The following UBE3D variants were observed in gnomAD, a reference collection of about 807,000 sequenced individuals.
UBE3D encodes the protein E3 ubiquitin-protein ligase E3D.
UBE3D carries 48 observed loss-of-function variants against 49.6 expected under a neutral mutation model. The ratio of observed to expected loss-of-function variants is 0.97; its 90% CI spans 0.77 to 1.23. UBE3D has a LOEUF of 1.23. Among genes scored for constraint, UBE3D ranks in the 50% most tolerant of loss-of-function variants. The pLI, the probability that UBE3D is intolerant of heterozygous loss-of-function variation, is 0.00. For missense variants in UBE3D, 452 were observed against 468.4 expected (o/e 0.96, Z 0.32); for synonymous variants, 189 against 174.2 (o/e 1.08, Z -0.67).
rs114071167 is a variant in UBE3D at position 83,029,410 on chromosome 6, G to A, written c.668-5372C>T. Among the ~76,000 whole-genome samples, 667 of 151,710 alleles carry A rather than the reference G, an allele frequency of 4.4e-3. 6 individuals are homozygous for A. Among genetic ancestry groups the A allele is most frequent in the African/African-American group, 0.015 (626 of 41,334 alleles). On this transcript the variant is annotated intron_variant, in intron 5 of 9. Coordinates refer to ENST00000369747, the MANE Select transcript of UBE3D (RefSeq NM_198920.3). ...GATCATCTAGTGAATTTTTCTTTAC[G>A]GTTACAGTACATTTTAATTCTAGAA...
intron 8 of UBE3D, among the ~76,000 whole-genome samples, chr6:83,006,791 G>C (rs1780013295): frequency 6.6e-6 from 1 of 152,222 alleles, no homozygotes; most frequent in South Asian, 2.1e-4. Context: ...GGTTTAATGA[G>C]TATGGAGTTT....
At chr6:83,056,698 C>G (rs559103723) in intron 2 of UBE3D, among the ~76,000 whole-genome samples, 1 of 152,258 alleles carries the variant, frequency 6.6e-6, no homozygotes, top group South Asian at 2.1e-4. Context: ...CTTCTCTTTC[C>G]TCACAAAAGC....
At chr6:83,061,635 A>G (rs1269759097) in intron 1 of UBE3D, among the ~76,000 whole-genome samples, 2 of 152,242 alleles carry the variant, frequency 1.3e-5, no homozygotes, top group South Asian at 2.1e-4. Context: ...CCCTGCTGCT[A>G]CAAGCTTTGG....
intron 5 of UBE3D, among the ~76,000 whole-genome samples, chr6:83,026,806 A>C (rs1781493896): frequency 6.6e-6 from 1 of 152,016 alleles, no homozygotes; most frequent in Non-Finnish European, 1.5e-5. Flanking sequence ...ATCCTTCCGC[A>C]TCAGCCTCCT....
chr6:83,061,612 G>A (rs1784172629), intron 1 of UBE3D, among the ~76,000 whole-genome samples: 1 of 152,228 alleles, frequency 6.6e-6, no homozygotes. Flanking sequence ...ATAAGGCACA[G>A]TGGTATAGCA....
At chr6:82,980,444 T>C (rs1268583995) in intron 8 of UBE3D, among the ~76,000 whole-genome samples, 1 of 152,090 alleles carries the variant, frequency 6.6e-6, no homozygotes, top group Non-Finnish European at 1.5e-5. Context: ...GGGTTTTTTG[T>C]TGCATTGAGT....
chr6:82,993,803 A>T (rs1779057808), intron 8 of UBE3D, among the ~76,000 whole-genome samples: 1 of 152,172 alleles, frequency 6.6e-6, no homozygotes, highest in African/African-American at 2.4e-5. Context: ...CACTCCACTG[A>T]CATACAGGAT....
intron 9 of UBE3D, among the ~76,000 whole-genome samples, chr6:82,911,196 C>CAAAAAAAAAAA (rs1156620624): frequency 2.5e-5 from 1 of 39,336 alleles, no homozygotes; most frequent in Non-Finnish European, 4.7e-5. Flanking sequence ...AACATTTTGG[C>CAAAAAAAAAAA]AAAAAAAAAA....
At chr6:82,913,466 T>C (rs978158793) in intron 9 of UBE3D, among the ~76,000 whole-genome samples, 7 of 152,310 alleles carry the variant, frequency 4.6e-5, no homozygotes, top group African/African-American at 1.7e-4. Context: ...CTCTTCTCTC[T>C]TGAGTTGTGC....
chr6:82,967,973 C>T (rs1201257066), intron 8 of UBE3D, among the ~76,000 whole-genome samples: 1 of 152,100 alleles, frequency 6.6e-6, no homozygotes, highest in African/African-American at 2.4e-5. Flanking sequence ...GAGTAAATTT[C>T]CATGGAATAT....
chr6:83,044,266 T>C (rs953465393), intron 4 of UBE3D, among the ~76,000 whole-genome samples, 162 bp downstream of exon 4: 19 of 152,342 alleles, frequency 1.2e-4, no homozygotes, highest in South Asian at 2.1e-4. Flanking sequence ...AGCCATATGC[T>C]CTTCCTGTTT....
At chr6:82,910,548 G>A (rs886123776) in intron 9 of UBE3D, among the ~76,000 whole-genome samples, 10 of 152,144 alleles carry the variant, frequency 6.6e-5, no homozygotes, top group Non-Finnish European at 8.8e-5. Flanking sequence ...TCAGAGCTCT[G>A]CTCTGTACTG....
In UBE3D at chr6:82,956,242, G is replaced by T. The variant is rs74830478; in HGVS notation, c.1149+1070C>A. On this transcript the variant is annotated intron_variant, in intron 9 of 9. Coordinates refer to ENST00000369747, the MANE Select transcript of UBE3D (RefSeq NM_198920.3). The stretch of plus-strand genomic sequence containing the variant: ...CCATGTTTATTTATTTCTCAGCAAC[G>T]TAGGTTGTATTCCCACCAGCATCCG... Among the ~76,000 whole-genome samples, 648 of 152,294 alleles carry T rather than the reference G, an allele frequency of 4.3e-3. 7 individuals are homozygous for T. Among genetic ancestry groups the T allele is most frequent in the African/African-American group, 0.015 (610 of 41,546 alleles).
chr6:82,965,243 TCA>T (rs1776828696), intron 8 of UBE3D, among the ~76,000 whole-genome samples: 1 of 152,180 alleles, frequency 6.6e-6, no homozygotes, highest in East Asian at 1.9e-4. Flanking sequence ...AATGCTTGTA[TCA>T]TTGCAAGACA....
chr6:82,932,392 A>G (rs568479446), intron 9 of UBE3D, among the ~76,000 whole-genome samples: 45 of 152,272 alleles, frequency 3.0e-4, no homozygotes, highest in African/African-American at 8.9e-4. Context: ...TAAATGGTGT[A>G]TCTGGTCCTA....
chr6:83,026,572 T>C (rs1286311512), intron 5 of UBE3D, among the ~76,000 whole-genome samples: 8 of 152,160 alleles, frequency 5.3e-5, no homozygotes, highest in Non-Finnish European at 1.5e-5. Context: ...GATTAATATA[T>C]AGACAGCCAT....
At chr6:82,940,406 G>A (rs934910943) in intron 9 of UBE3D, among the ~76,000 whole-genome samples, 4 of 152,288 alleles carry the variant, frequency 2.6e-5, no homozygotes, top group East Asian at 1.9e-4. Context: ...CTTTGAGAAC[G>A]AAGTTCCTAA....
At chr6:82,926,895 T>C (rs529263373) in intron 9 of UBE3D, among the ~76,000 whole-genome samples, 12 of 152,284 alleles carry the variant, frequency 7.9e-5, no homozygotes, top group African/African-American at 2.9e-4. Context: ...TCATGGGGTA[T>C]GCCTTTGCAC....
chr6:82,897,221 G>C (rs1304278730), intron 9 of UBE3D, among the ~76,000 whole-genome samples: 1 of 152,036 alleles, frequency 6.6e-6, no homozygotes, highest in Non-Finnish European at 1.5e-5. Context: ...CATGTTCAAA[G>C]TTATGATCTG....
Sources: gnomAD v4.1 joint callset for allele counts (sites outside exome capture counted in the v4.1 genomes callset) on GRCh38, gnomAD v4.1.1 for gene constraint, MANE v1.5 for transcripts, NCBI Gene and HGNC (gene_info 2026-07-23, HGNC 2026-07-21) for gene names.